ZNF804B: variants seen among roughly 807,000 people sequenced by gnomAD.
ZNF804B encodes zinc finger protein 804B, also known as zinc finger 804B.
A neutral mutation model predicts 101.4 loss-of-function variants in ZNF804B; 80 were observed. The observed-to-expected ratio is 0.79, with a 90% confidence interval of 0.66 to 0.95. ZNF804B has a LOEUF of 0.95. Among genes scored for constraint, ZNF804B ranks in the 40% least tolerant of loss-of-function variants. The pLI is 0.00. For missense variants in ZNF804B, 1,673 were observed against 1,561.9 expected (o/e 1.07, Z -1.20); for synonymous variants, 622 against 558.8 (o/e 1.11, Z -1.59).
At position 89,310,793 on chromosome 7, in the gene ZNF804B, T is replaced by C. The variant is rs116190706; in HGVS notation, c.250-16551T>C. ...AAACAGCTAGATAGCTAGGTCAGAG[T>C]GCAGTAGGTCAAGTCCTTTTTATGA... On this transcript the variant is annotated intron_variant, in intron 2 of 3. Coordinates refer to ENST00000333190, the MANE Select transcript of ZNF804B (RefSeq NM_181646.5). Among the ~76,000 whole-genome samples the C allele has an allele frequency of 5.9e-3, 905 of 152,236 alleles. 10 individuals carry two copies. Among genetic ancestry groups the C allele is most frequent in the African/African-American group, 0.02 (844 of 41,546 alleles).
At chr7:89,063,282 T>A (rs1789404646) in intron 1 of ZNF804B, among the ~76,000 whole-genome samples, 1 of 152,206 alleles carries the variant, frequency 6.6e-6, no homozygotes, top group South Asian at 2.1e-4. Context: ...TGTCTGATGC[T>A]GTGCAAGACT....
chr7:89,218,503 T>G (rs1788931101), intron 2 of ZNF804B, among the ~76,000 whole-genome samples: 1 of 152,268 alleles, frequency 6.6e-6, no homozygotes. Context: ...GGAGGTAAAC[T>G]TAGAGATAAT....
In ZNF804B at chr7:89,324,929, T is replaced by G. The variant is rs529501066; in HGVS notation, c.250-2415T>G. 1.2e-4 allele frequency among the ~76,000 whole-genome samples: 18 copies of G among 152,138 alleles called. No individual in the cohort carries two copies. The South Asian group carries it at 3.7e-3, about 32-fold the overall frequency. On this transcript the variant is annotated intron_variant, in intron 2 of 3. Coordinates refer to ENST00000333190, the MANE Select transcript of ZNF804B (RefSeq NM_181646.5). ...ACTTTTATTTCCTGCTTTTATGATT[T>G]TTTTAAAGCAACTCCAAAGTAGTGC...
intron 1 of ZNF804B, among the ~76,000 whole-genome samples, chr7:89,136,958 C>CA (rs1554368503): frequency 6.6e-6 from 1 of 151,032 alleles, no homozygotes; most frequent in African/African-American, 2.4e-5. Flanking sequence ...CAAAAGCTCT[C>CA]TTTTTTTTTG....
At chr7:88,805,980 T>C (rs1300767982) in intron 1 of ZNF804B, among the ~76,000 whole-genome samples, 1 of 151,118 alleles carries the variant, frequency 6.6e-6, no homozygotes, top group Non-Finnish European at 1.5e-5. Context: ...TTTTTTTTCC[T>C]AACTCAGGAA....
chr7:88,900,104 A>G (rs555479587), intron 1 of ZNF804B, among the ~76,000 whole-genome samples: 2 of 152,246 alleles, frequency 1.3e-5, no homozygotes, highest in South Asian at 4.1e-4. Context: ...ATTACGAAAA[A>G]GATGTATATT....
At chr7:88,815,031 CAT>C (rs1422522522) in intron 1 of ZNF804B, among the ~76,000 whole-genome samples, 4 of 148,716 alleles carry the variant, frequency 2.7e-5, no homozygotes, top group African/African-American at 9.8e-5. Flanking sequence ...CTTATATATA[CAT>C]ATATGTGTGT....
At chr7:88,830,401 C>G (rs964678570) in intron 1 of ZNF804B, among the ~76,000 whole-genome samples, 2 of 151,994 alleles carry the variant, frequency 1.3e-5, no homozygotes, top group African/African-American at 2.4e-5. Flanking sequence ...CACTTTAAAA[C>G]TCACCACATA....
At chr7:88,861,807 T>C (rs1325947081) in intron 1 of ZNF804B, among the ~76,000 whole-genome samples, 2 of 152,170 alleles carry the variant, frequency 1.3e-5, no homozygotes, top group East Asian at 3.9e-4. Flanking sequence ...CTTTAACTAT[T>C]TTGGAGAAGG....
intron 2 of ZNF804B, among the ~76,000 whole-genome samples, chr7:89,289,415 A>G (rs568521339): frequency 1.3e-5 from 2 of 152,262 alleles, no homozygotes; most frequent in South Asian, 2.1e-4. Flanking sequence ...CACTCACAGT[A>G]TCTGGTTTTA....
chr7:89,023,634 C>G (rs748913606), intron 1 of ZNF804B, among the ~76,000 whole-genome samples: 5 of 152,076 alleles, frequency 3.3e-5, no homozygotes, highest in Non-Finnish European at 5.9e-5. Flanking sequence ...CTCCATATCA[C>G]TAGATAAAGA....
intron 1 of ZNF804B, among the ~76,000 whole-genome samples, chr7:88,867,309 C>T (rs1791741591): frequency 6.6e-6 from 1 of 152,202 alleles, no homozygotes; most frequent in South Asian, 2.1e-4. Flanking sequence ...AGTTGCCTTA[C>T]TGTCCAAGGC....
chr7:89,039,349 T>C (rs113258028), intron 1 of ZNF804B, among the ~76,000 whole-genome samples: 26 of 152,160 alleles, frequency 1.7e-4, no homozygotes, highest in African/African-American at 6.3e-4. Context: ...ATGGGTTATC[T>C]TTCCATTATT....
intron 1 of ZNF804B, among the ~76,000 whole-genome samples, chr7:89,212,415 G>C (rs922526588): frequency 1.3e-5 from 2 of 152,040 alleles, no homozygotes; most frequent in Non-Finnish European, 2.9e-5. Flanking sequence ...AGAAACAGAA[G>C]TTTGATAACA....
intron 1 of ZNF804B, among the ~76,000 whole-genome samples, chr7:89,040,321 G>A (rs1332101916): frequency 6.7e-6 from 1 of 148,914 alleles, no homozygotes; most frequent in Non-Finnish European, 1.5e-5. Flanking sequence ...TATTCTTTTG[G>A]ATAATTTCAA....
intron 1 of ZNF804B, among the ~76,000 whole-genome samples, chr7:88,881,799 G>C (rs1421506737): frequency 6.6e-6 from 1 of 152,114 alleles, no homozygotes; most frequent in Admixed American, 6.6e-5. Flanking sequence ...ATATCACTGA[G>C]AATACTACAT....
At position 89,247,372 on chromosome 7, in the gene ZNF804B, G is replaced by A. The variant is rs76623211; in HGVS notation, c.249+29077G>A. 2.3e-3 allele frequency among the ~76,000 whole-genome samples: 352 copies of A among 152,282 alleles called. 1 individual carries two copies. Among genetic ancestry groups the A allele is most frequent in the African/African-American group, 7.9e-3 (329 of 41,570 alleles). ...TTCTGCCATTAAACAAGGATCAGGT[G>A]TATACCGAGCTGTGTTGGTCGCAGC... is the stretch of plus-strand genomic sequence containing the variant. On this transcript the variant is annotated intron_variant, in intron 2 of 3. Coordinates refer to ENST00000333190, the MANE Select transcript of ZNF804B (RefSeq NM_181646.5).
intron 2 of ZNF804B, among the ~76,000 whole-genome samples, chr7:89,219,298 C>A (rs1212599223): frequency 6.6e-6 from 1 of 152,034 alleles, no homozygotes; most frequent in African/African-American, 2.4e-5. Flanking sequence ...AATATTAGGT[C>A]TTTGGGAAAG....
intron 1 of ZNF804B, among the ~76,000 whole-genome samples, chr7:89,177,458 T>C (rs915812228): frequency 1.3e-5 from 2 of 152,212 alleles, no homozygotes; most frequent in African/African-American, 4.8e-5. Context: ...TGTAGTTTTA[T>C]TCCCTTGTGA....
Sources: allele counts gnomAD v4.1 joint callset (sites outside exome capture counted in the v4.1 genomes callset), GRCh38; gene constraint gnomAD v4.1.1; transcripts MANE v1.5; gene names NCBI Gene and HGNC (gene_info 2026-07-23, HGNC 2026-07-21).